Variants in TDRD9 observed in about 807,000 individuals in gnomAD.
The protein encoded by TDRD9 is ATP-dependent RNA helicase TDRD9.
TDRD9 carries 124 observed loss-of-function variants against 172.6 expected under a neutral mutation model. The observed-to-expected ratio is 0.72, with a 90% CI of 0.62 to 0.83. TDRD9 has a LOEUF of 0.83. Ranked by LOEUF, TDRD9 falls within the 40% of genes least tolerant of loss-of-function variation. TDRD9 has a pLI of 0.00. For synonymous variants in TDRD9, 619 were observed against 617.1 expected, an observed-to-expected ratio of 1.00 and a Z score of -0.05; for missense variants, 1,479 against 1,714.1, an observed-to-expected ratio of 0.86 and a Z score of 2.42.
At chr14:104,007,722 G>A (rs2034488698) in intron 19 of TDRD9, among the ~76,000 whole-genome samples, 1 of 151,070 alleles carries the variant, frequency 6.6e-6, no homozygotes. Context: ...GTTTCTGTGT[G>A]GAGATTTGCT....
chr14:103,930,326 T>G (rs550021053), intron 1 of TDRD9, among the ~76,000 whole-genome samples: 2 of 152,298 alleles, frequency 1.3e-5, no homozygotes. Context: ...TAGCTGGGAT[T>G]ACTGGCGTGT....
At chr14:103,953,912 G>A (rs531617641) in intron 1 of TDRD9, among the ~76,000 whole-genome samples, 1 of 152,272 alleles carries the variant, frequency 6.6e-6, no homozygotes, top group Admixed American at 6.5e-5. Context: ...TGATTCAAAT[G>A]CTAACCTCTT....
At chr14:104,047,310 T>C (rs1423898114) in intron 34 of TDRD9, among the ~76,000 whole-genome samples, 1 of 152,218 alleles carries the variant, frequency 6.6e-6, no homozygotes, top group African/African-American at 2.4e-5. Flanking sequence ...AGTTGATTTT[T>C]ATATATTGGT....
At chr14:103,968,781 G>A (rs1389627492) in intron 5 of TDRD9, among the ~76,000 whole-genome samples, 146 of 4,104 alleles carry the variant, frequency 0.036, no homozygotes, top group East Asian at 0.1. Context: ...GGGCGACAGA[G>A]TGAGACTCTG....
At chr14:103,932,426 C>T (rs1054590949) in intron 1 of TDRD9, among the ~76,000 whole-genome samples, 12 of 150,552 alleles carry the variant, frequency 8.0e-5, no homozygotes, top group Admixed American at 8.0e-4. Flanking sequence ...CTCGCTCTGT[C>T]GCCCAGGCTG....
At chr14:103,971,464 C>T (rs1245684533) in intron 6 of TDRD9, among the ~76,000 whole-genome samples, 1 of 151,950 alleles carries the variant, frequency 6.6e-6, no homozygotes, top group Non-Finnish European at 1.5e-5. Flanking sequence ...ACCACCATGC[C>T]AGGCTAATTT....
chr14:104,039,882 G>A (rs186011839), intron 32 of TDRD9, among the ~76,000 whole-genome samples: 2 of 151,388 alleles, frequency 1.3e-5, no homozygotes, highest in Non-Finnish European at 2.9e-5. Flanking sequence ...GAAAGAATTC[G>A]AAGGCAAGGG....
intron 20 of TDRD9, among the ~76,000 whole-genome samples, chr14:104,011,280 A>G (rs1172682648): frequency 6.6e-6 from 1 of 151,868 alleles, no homozygotes; most frequent in Non-Finnish European, 1.5e-5. Flanking sequence ...GATTGCCAAT[A>G]TTTTCTCTAG....
chr14:104,004,033 AT>A (rs1430599981), intron 13 of TDRD9, among the ~76,000 whole-genome samples: 6 of 152,214 alleles, frequency 3.9e-5, no homozygotes, highest in African/African-American at 1.4e-4. Flanking sequence ...ATTTTTTAGG[AT>A]AGTCATTCTT....
intron 7 of TDRD9, among the ~76,000 whole-genome samples, chr14:103,985,919 T>G (rs779873511): frequency 3.3e-5 from 5 of 152,206 alleles, no homozygotes; most frequent in Non-Finnish European, 7.3e-5. Context: ...AATCGATGTC[T>G]TCAAAGTAGA....
At position 104,052,274 on chromosome 14, in the gene TDRD9, G is replaced by A; in HGVS notation, c.*192G>A. On this transcript the variant is annotated 3_prime_UTR_variant, in exon 36 of 36. Transcript: ENST00000409874. ...AGTGGTGTTTTTGTTCAGGTGGGAAGGATTGGAAACTCTAGTCTTTTCTAG... is the reference window on the plus strand; with the variant it reads ...AGTGGTGTTTTTGTTCAGGTGGGAAAGATTGGAAACTCTAGTCTTTTCTAG... The A allele has an allele frequency of 4.8e-6, 2 of 420,056 alleles. No individual in the cohort carries two copies. Among genetic ancestry groups the A allele is most frequent in the East Asian group, 3.9e-5 (1 of 25,586 alleles). The allele number at this position is 420,056 out of a possible 1,614,324, so 26.0% of individuals were successfully genotyped here. A position where few individuals can be genotyped will look rare whatever the true frequency, so the allele number is the denominator to read the frequency against.
intron 22 of TDRD9, among the ~76,000 whole-genome samples, chr14:104,017,456 C>T (rs773671310): frequency 3.9e-5 from 6 of 152,304 alleles, no homozygotes; most frequent in East Asian, 1.9e-4. Context: ...TAAGGAGACA[C>T]GCGGATTCAG....
chr14:104,027,033 G>A (rs2035145975), intron 28 of TDRD9, 94 bp downstream of exon 28: 11 of 1,356,934 alleles, frequency 8.1e-6, no homozygotes, highest in Admixed American at 4.6e-5. Context: ...AGGAGGAGGC[G>A]GACAGTGTTC....
Position 103,928,531 on chromosome 14 carries a change from G to T in TDRD9, c.22G>T (p.Glu8Ter). Residue 8 changes from glutamate (E) to a stop codon, truncating the protein, a stop_gained, in exon 1 of 36, where the codon GAG becomes TAG. Coordinates refer to ENST00000409874, the MANE Select transcript of TDRD9 (RefSeq NM_153046.3). LOFTEE classifies it high-confidence loss of function. ...GAGGATGCTGCGGAAGCTCACCATCGAGCAGATCAACGACTGGTTCACCAT... is the reference window on the plus strand; with the variant it reads ...GAGGATGCTGCGGAAGCTCACCATCTAGCAGATCAACGACTGGTTCACCAT... MLRKLTIEQINDWFTIGK... is the reference protein window; with the variant it reads MLRKLTI 7.1e-7 allele frequency: 1 copy of T among 1,410,268 alleles called. No homozygotes were observed. Among genetic ancestry groups the T allele is most frequent in the South Asian group, 1.4e-5 (1 of 71,894 alleles). 87.4% of individuals were successfully genotyped at this position (1,410,268 alleles called of 1,614,324 possible). A position where few individuals can be genotyped will look rare whatever the true frequency, so the allele number is the denominator to read the frequency against.
At chr14:103,986,949 A>G (rs2033682034) in intron 8 of TDRD9, among the ~76,000 whole-genome samples, 1 of 152,152 alleles carries the variant, frequency 6.6e-6, no homozygotes, top group South Asian at 2.1e-4. Context: ...CCCTGTCTCT[A>G]CTAAAATACA....
chr14:104,051,400 C>T (rs570720774), intron 35 of TDRD9, among the ~76,000 whole-genome samples: 1 of 152,304 alleles, frequency 6.6e-6, no homozygotes, highest in Non-Finnish European at 1.5e-5. Flanking sequence ...GTGAATAGTG[C>T]TGTGGTGAAT....
chr14:104,041,592 A>G (rs374718713), intron 33 of TDRD9, among the ~76,000 whole-genome samples: 2 of 152,266 alleles, frequency 1.3e-5, no homozygotes, highest in African/African-American at 4.8e-5. Context: ...GATGCTCAGC[A>G]TCATATGTCA....
At chr14:104,020,851 CT>C (rs2034932942) in intron 23 of TDRD9, among the ~76,000 whole-genome samples, 1 of 152,146 alleles carries the variant, frequency 6.6e-6, no homozygotes, top group Non-Finnish European at 1.5e-5. Flanking sequence ...AAACTTGATG[CT>C]GTCTTCCTTC....
intron 8 of TDRD9, among the ~76,000 whole-genome samples, chr14:103,988,487 T>C (rs2033755343): frequency 1.3e-5 from 2 of 152,040 alleles, no homozygotes; most frequent in Non-Finnish European, 1.5e-5. Context: ...TTAAAATTAG[T>C]CTAACAATCT....
Sources: allele counts gnomAD v4.1 joint callset (sites outside exome capture counted in the v4.1 genomes callset), GRCh38; gene constraint gnomAD v4.1.1; transcripts MANE v1.5; gene names NCBI Gene and HGNC (gene_info 2026-07-23, HGNC 2026-07-21).